GSG1L: variants seen among roughly 807,000 people sequenced by gnomAD.
GSG1L encodes the protein germ cell-specific gene 1-like protein.
In GSG1L, 24 loss-of-function variants were observed where a neutral mutation model predicts 42.1. The ratio of observed to expected loss-of-function variants is 0.57; its 90% confidence interval spans 0.41 to 0.80. The LOEUF (loss-of-function observed/expected upper bound fraction) is 0.80. GSG1L is among the 30% of genes least tolerant of loss of function. The pLI, the probability that GSG1L is intolerant of heterozygous loss-of-function variation, is 0.00. For missense variants in GSG1L, 445 were observed against 472.2 expected (o/e 0.94, Z 0.53); for synonymous variants, 215 against 203.5 (o/e 1.06, Z -0.48).
At chr16:28,025,362 C>T (rs760016291) in intron 1 of GSG1L, among the ~76,000 whole-genome samples, 1 of 152,172 alleles carries the variant, frequency 6.6e-6, no homozygotes, top group Admixed American at 6.5e-5. Context: ...GCCATGCCAC[C>T]TCATCTAAGG....
intron 2 of GSG1L, among the ~76,000 whole-genome samples, chr16:27,942,697 T>C (rs748980652): frequency 1.7e-4 from 26 of 152,206 alleles, no homozygotes; most frequent in Non-Finnish European, 3.2e-4. Context: ...GAAACGTAAA[T>C]TGGAAATCAC....
chr16:27,874,640 A>C lies in GSG1L; in HGVS notation c.550+9846T>G, dbSNP rs546858408. On this transcript the variant is annotated intron_variant, in intron 3 of 6. Transcript: ENST00000447459. ...AACAGGCAAGCTTCCTGGATGGTGA[A>C]CACATGATGTGTTGGAGGGTGATGT... is the stretch of plus-strand genomic sequence containing the variant. Among the ~76,000 whole-genome samples, 7 of 151,970 alleles carry C rather than the reference A, an allele frequency of 4.6e-5. No homozygotes were observed. In the South Asian group the frequency reaches 1.5e-3, roughly 32 times the overall value.
At chr16:27,867,810 A>T (rs1477370513) in intron 3 of GSG1L, among the ~76,000 whole-genome samples, 1 of 150,262 alleles carries the variant, frequency 6.7e-6, no homozygotes, top group Non-Finnish European at 1.5e-5. Context: ...CCCTGAGGCC[A>T]CGCCCCCTGA....
chr16:27,987,370 C>G (rs2085397793), intron 1 of GSG1L, among the ~76,000 whole-genome samples: 1 of 152,138 alleles, frequency 6.6e-6, no homozygotes, highest in Non-Finnish European at 1.5e-5. Context: ...GGTCATAAAA[C>G]TGTTGCTTCT....
chr16:28,063,000 C>T lies in GSG1L; in HGVS notation c.349+76G>A. 4.0e-6 allele frequency: 5 copies of T among 1,262,282 alleles called. No individual in the cohort carries two copies. The South Asian group carries it at 9.6e-5, about 24-fold the overall frequency. The allele number at this position is 1,262,282 out of a possible 1,614,324, so 78.2% of individuals were successfully genotyped here. ...GGCGGCGGGAGGAGGGCGAACGGGT[C>T]CGGGGCTCGGGCCTCGATGGCCGCG... On this transcript the variant is annotated intron_variant, in intron 1 of 6. Coordinates refer to ENST00000447459, the MANE Select transcript of GSG1L (RefSeq NM_001109763.2).
At chr16:27,847,006 G>A (rs1036824795) in intron 3 of GSG1L, among the ~76,000 whole-genome samples, 3 of 151,004 alleles carry the variant, frequency 2.0e-5, no homozygotes, top group East Asian at 3.9e-4. Context: ...TCAAAAGCTT[G>A]TTCATTCTGT....
At chr16:27,961,028 GACAC>G (rs141642419) in intron 2 of GSG1L, among the ~76,000 whole-genome samples, 1 of 151,266 alleles carries the variant, frequency 6.6e-6, no homozygotes, top group Non-Finnish European at 1.5e-5. Flanking sequence ...ACTGTACACA[GACAC>G]ACACACACAC....
At position 27,888,515 on chromosome 16, in the gene GSG1L, CTTTCTTT is replaced by C. The variant is rs2084077121; in HGVS notation, c.398-3884_398-3878del. Among the ~76,000 whole-genome samples, 6 of 15,934 alleles carry C rather than the reference CTTTCTTT, an allele frequency of 3.8e-4. 1 individual carries two copies. The highest frequency in any genetic ancestry group is 2.2e-3 in the Admixed American group (2 of 896). The allele number at this position is 15,934 out of a possible 152,430, so 10.5% of individuals were successfully genotyped here. ...TCTTTCTTTCTTTCTTTCTTTCTTT[CTTTCTTT>C]CTTTCTTTCTTTCTTTCTTTCTTTC... On this transcript the variant is annotated intron_variant, in intron 2 of 6. Transcript: ENST00000447459.
At chr16:28,048,843 C>A (rs1272241484) in intron 1 of GSG1L, among the ~76,000 whole-genome samples, 2 of 151,926 alleles carry the variant, frequency 1.3e-5, no homozygotes, top group Admixed American at 6.6e-5. Context: ...TCAGAAAAGT[C>A]AGACTAAAGA....
rs865964925 is a variant in GSG1L at position 27,888,470 on chromosome 16, C to G, written c.398-3832G>C. Among the ~76,000 whole-genome samples, 2 of 53,008 alleles carry G rather than the reference C, an allele frequency of 3.8e-5. 1 individual carries two copies. Among genetic ancestry groups the G allele is most frequent in the Non-Finnish European group, 8.0e-5 (2 of 25,154 alleles). 34.8% of individuals were successfully genotyped at this position (53,008 alleles called of 152,430 possible). On this transcript the variant is annotated intron_variant, in intron 2 of 6. Coordinates refer to ENST00000447459, the MANE Select transcript of GSG1L (RefSeq NM_001109763.2). Reference sequence around the variant, plus strand: ...TTTCTTTCTTTCTTTCTTTCTCTCTCTCTCTCTCTTTCCTTTCTTTCTTTC... The same window carrying G: ...TTTCTTTCTTTCTTTCTTTCTCTCTGTCTCTCTCTTTCCTTTCTTTCTTTC...
At chr16:28,024,986 A>G (rs2085884235) in intron 1 of GSG1L, among the ~76,000 whole-genome samples, 1 of 152,170 alleles carries the variant, frequency 6.6e-6, no homozygotes, top group Admixed American at 6.5e-5. Flanking sequence ...TGTTACCATC[A>G]CAGCTGTCTG....
chr16:27,830,963 TG>T (rs1406257193), intron 4 of GSG1L, among the ~76,000 whole-genome samples: 1 of 152,292 alleles, frequency 6.6e-6, no homozygotes, highest in African/African-American at 2.4e-5. Flanking sequence ...TCAGGCCATT[TG>T]TTTTGTGTGG....
intron 6 of GSG1L, among the ~76,000 whole-genome samples, chr16:27,800,648 T>C (rs2082871119): frequency 6.6e-6 from 1 of 152,114 alleles, no homozygotes; most frequent in African/African-American, 2.4e-5. Context: ...GCCAAATCCA[T>C]ATCACAGTAG....
At chr16:28,041,135 C>G (rs2086101197) in intron 1 of GSG1L, among the ~76,000 whole-genome samples, 1 of 152,132 alleles carries the variant, frequency 6.6e-6, no homozygotes, top group African/African-American at 2.4e-5. Context: ...TCTTTGATCC[C>G]TGATAGCTAT....
At chr16:27,900,850 G>A (rs115144645) in intron 2 of GSG1L, among the ~76,000 whole-genome samples, 7 of 151,566 alleles carry the variant, frequency 4.6e-5, no homozygotes, top group Non-Finnish European at 4.4e-5. Flanking sequence ...TACATAGGCC[G>A]AGCATGGTGG....
At chr16:27,959,210 C>A (rs1324835392) in intron 2 of GSG1L, among the ~76,000 whole-genome samples, 1 of 151,110 alleles carries the variant, frequency 6.6e-6, no homozygotes, top group Non-Finnish European at 1.5e-5. Context: ...GTAATCCCAA[C>A]ACTTTGGGAG....
At chr16:27,988,871 G>A (rs933778289) in intron 1 of GSG1L, among the ~76,000 whole-genome samples, 1 of 151,572 alleles carries the variant, frequency 6.6e-6, no homozygotes, top group African/African-American at 2.4e-5. Context: ...TGGCTAACAT[G>A]GTGAAACCCC....
intron 2 of GSG1L, among the ~76,000 whole-genome samples, chr16:27,907,941 C>T (rs1022001145): frequency 6.6e-6 from 1 of 152,180 alleles, no homozygotes; most frequent in Non-Finnish European, 1.5e-5. Context: ...ATTGCATCTG[C>T]AGCTTCCCCA....
At chr16:27,888,482 C>CCTTTCTTTCTTTCTTT (rs57811717) in intron 2 of GSG1L, among the ~76,000 whole-genome samples, 3 of 68,912 alleles carry the variant, frequency 4.4e-5, no homozygotes, top group African/African-American at 1.4e-4. Flanking sequence ...CTCTCTCTTT[C>CCTTTCTTTCTTTCTTT]CTTTCTTTCT....
Sources: allele counts gnomAD v4.1 joint callset (sites outside exome capture counted in the v4.1 genomes callset), GRCh38; gene constraint gnomAD v4.1.1; transcripts MANE v1.5; gene names NCBI Gene and HGNC (gene_info 2026-07-23, HGNC 2026-07-21).